MIS18A: variants seen among roughly 807,000 people sequenced by gnomAD.
MIS18A encodes the protein protein Mis18-alpha.
Under a neutral mutation model 25.0 loss-of-function variants are expected in MIS18A, and 14 were observed. The ratio of observed to expected loss-of-function variants is 0.56; its 90% CI spans 0.37 to 0.88. The LOEUF (loss-of-function observed/expected upper bound fraction) is 0.88. Ranked by LOEUF, MIS18A falls within the 40% of genes least tolerant of loss-of-function variation. The probability of loss-of-function intolerance (pLI) is 0.00; values close to 1 mark genes in which losing one functional copy is unlikely to be tolerated. For missense variants in MIS18A, 292 were observed against 290.8 expected, an observed-to-expected ratio of 1.00 and a Z score of -0.03; for synonymous variants, 134 against 118.6, an observed-to-expected ratio of 1.13 and a Z score of -0.84.
At position 32,274,908 on chromosome 21, in the gene MIS18A, G is replaced by T. The variant is rs200793504; in HGVS notation, c.335-12C>A. Reference sequence around the variant, plus strand: ...ATTACAGGAAACACCTAGAAACAGAGAAAGTAACAATAATTTATTAATGTA... The same window carrying T: ...ATTACAGGAAACACCTAGAAACAGATAAAGTAACAATAATTTATTAATGTA... On this transcript the variant is annotated splice_polypyrimidine_tract_variant and intron_variant, in intron 1 of 4. Transcript: ENST00000290130. 1 of 1,600,468 alleles carries T rather than the reference G, an allele frequency of 6.2e-7. No homozygotes were observed. The highest frequency in any genetic ancestry group is 1.1e-5 in the South Asian group (1 of 90,138).
the MIS18A span, among the ~76,000 whole-genome samples, chr21:32,191,977 C>T: frequency 5.3e-5 from 8 of 152,126 alleles, no homozygotes; most frequent in Non-Finnish European, 1.0e-4. Flanking sequence ...CCCCTTACCC[C>T]CTTTTACCCA....
At chr21:32,253,760 G>T in the MIS18A span, among the ~76,000 whole-genome samples, 2 of 152,140 alleles carry the variant, frequency 1.3e-5, no homozygotes, top group Non-Finnish European at 2.9e-5. Flanking sequence ...AGCCCAAAAC[G>T]CTCCTAGAAG....
At chr21:32,180,014 G>A in the MIS18A span, among the ~76,000 whole-genome samples, 42 of 152,282 alleles carry the variant, frequency 2.8e-4, no homozygotes, top group East Asian at 5.8e-4. Context: ...ACAATAGAGC[G>A]GACACAGCCA....
the MIS18A span, among the ~76,000 whole-genome samples, chr21:32,225,264 A>C: frequency 4.4e-5 from 5 of 114,436 alleles, no homozygotes; most frequent in African/African-American, 4.2e-5. Context: ...GCAACAAAAG[A>C]CAAAATTGAC....
the MIS18A span, among the ~76,000 whole-genome samples, chr21:32,166,318 T>C: frequency 6.6e-6 from 1 of 152,190 alleles, no homozygotes. Context: ...GTATTACAAA[T>C]GTATCACATA....
the MIS18A span, among the ~76,000 whole-genome samples, chr21:32,208,910 A>G: frequency 4.1e-4 from 63 of 152,366 alleles, no homozygotes; most frequent in African/African-American, 1.3e-3. Flanking sequence ...AAAGGAGAAG[A>G]CTGCACCAAA....
chr21:32,221,358 GA>G, the MIS18A span, among the ~76,000 whole-genome samples: 2 of 152,114 alleles, frequency 1.3e-5, no homozygotes, highest in African/African-American at 2.4e-5. Flanking sequence ...TTTCAACCCA[GA>G]ATTTTGTATC....
intron 2 of MIS18A, among the ~76,000 whole-genome samples, chr21:32,271,851 CATT>C (rs978181237): frequency 2.0e-5 from 3 of 152,180 alleles, no homozygotes; most frequent in Non-Finnish European, 4.4e-5. Flanking sequence ...ACCTCATTAC[CATT>C]ATAAGACCGC....
the MIS18A span, among the ~76,000 whole-genome samples, chr21:32,246,516 A>G: frequency 6.6e-6 from 1 of 152,146 alleles, no homozygotes; most frequent in Non-Finnish European, 1.5e-5. Context: ...TCAAATCTCA[A>G]GAAGAGGTTC....
At chr21:32,227,180 A>G in the MIS18A span, among the ~76,000 whole-genome samples, 1 of 152,070 alleles carries the variant, frequency 6.6e-6, no homozygotes, top group African/African-American at 2.4e-5. Context: ...ACTAAACCCA[A>G]AGCAGAAAAA....
At chr21:32,227,080 G>A in the MIS18A span, among the ~76,000 whole-genome samples, 1 of 151,992 alleles carries the variant, frequency 6.6e-6, no homozygotes, top group Non-Finnish European at 1.5e-5. Flanking sequence ...AGTGCTTATA[G>A]GGAAATTTAT....
the MIS18A span, chr21:32,261,542 C>T: frequency 6.6e-6 from 1 of 152,186 alleles, no homozygotes; most frequent in Non-Finnish European, 1.5e-5. Context: ...CTCGATGCAG[C>T]AACATTCATT....
chr21:32,265,512 G>C (rs900712351), downstream of MIS18A, among the ~76,000 whole-genome samples: 3 of 152,238 alleles, frequency 2.0e-5, no homozygotes, highest in South Asian at 2.1e-4. Flanking sequence ...TCCCCCAGCA[G>C]TGCCGGCCCA....
chr21:32,209,607 G>T, the MIS18A span, among the ~76,000 whole-genome samples: 1 of 152,154 alleles, frequency 6.6e-6, no homozygotes, highest in Non-Finnish European at 1.5e-5. Context: ...ATATGGTTTT[G>T]CTGTGTTCCC....
the MIS18A span, among the ~76,000 whole-genome samples, chr21:32,207,687 CT>C: frequency 3.7e-4 from 54 of 147,306 alleles, no homozygotes; most frequent in South Asian, 6.5e-4. Flanking sequence ...TTTTCTTTTT[CT>C]TTTTTTTTTG....
At chr21:32,260,099 A>ATTTTTT in the MIS18A span, 1 of 65,978 alleles carries the variant, frequency 1.5e-5, no homozygotes, top group Non-Finnish European at 2.6e-5. Context: ...TTTTTTTCAG[A>ATTTTTT]TTTTTCCATT....
At chr21:32,194,356 T>C in the MIS18A span, among the ~76,000 whole-genome samples, 2 of 151,462 alleles carry the variant, frequency 1.3e-5, no homozygotes, top group Non-Finnish European at 2.9e-5. Flanking sequence ...ATATATATAG[T>C]AGATAGATAG....
At chr21:32,166,736 T>C in the MIS18A span, among the ~76,000 whole-genome samples, 1 of 152,092 alleles carries the variant, frequency 6.6e-6, no homozygotes, top group Non-Finnish European at 1.5e-5. Flanking sequence ...TAAAAAAGAA[T>C]TCGAAATAAT....
At chr21:32,253,623 G>A in the MIS18A span, among the ~76,000 whole-genome samples, 25 of 152,238 alleles carry the variant, frequency 1.6e-4, no homozygotes, top group East Asian at 4.5e-3. Flanking sequence ...GAGAGTGAGC[G>A]ACCTGCCCCC....
Sources: allele counts gnomAD v4.1 joint callset (sites outside exome capture counted in the v4.1 genomes callset), GRCh38; gene constraint gnomAD v4.1.1; transcripts MANE v1.5; gene names NCBI Gene and HGNC (gene_info 2026-07-23, HGNC 2026-07-21).